SMYD3: variants seen among roughly 807,000 people sequenced by gnomAD.
SMYD3 encodes histone-lysine N-methyltransferase SMYD3.
SMYD3 carries 36 observed loss-of-function variants against 57.7 expected under a neutral mutation model. The ratio of observed to expected loss-of-function variants is 0.62; its 90% confidence interval spans 0.48 to 0.82. The LOEUF (loss-of-function observed/expected upper bound fraction) is 0.82. Ranked by LOEUF, SMYD3 falls within the 40% of genes least tolerant of loss-of-function variation. SMYD3 has a pLI of 0.00. For missense variants in SMYD3, 515 were observed against 538.8 expected, an observed-to-expected ratio of 0.96 and a Z score of 0.44; for synonymous variants, 211 against 195.0, an observed-to-expected ratio of 1.08 and a Z score of -0.68.
Position 245,824,186 on chromosome 1 carries a change from C to T in SMYD3, c.1076+34310G>A, listed in dbSNP as rs142713676. 5.6e-3 allele frequency among the ~76,000 whole-genome samples: 859 copies of T among 152,308 alleles called. 8 individuals carry two copies. Among genetic ancestry groups the T allele is most frequent in the Middle Eastern group, 0.031 (9 of 294 alleles). ...ACAGCGGTACCCTGCACAAGCTTGG[C>T]ATAGAGGTGTTCCCTCAAAATTATC... On this transcript the variant is annotated intron_variant, in intron 10 of 11. Transcript: ENST00000490107.
chr1:246,118,011 C>A (rs2061368423), intron 5 of SMYD3, among the ~76,000 whole-genome samples: 1 of 152,052 alleles, frequency 6.6e-6, no homozygotes, highest in African/African-American at 2.4e-5. Flanking sequence ...CTGTGTAATG[C>A]TGATAATGAA....
intron 5 of SMYD3, among the ~76,000 whole-genome samples, chr1:246,112,100 A>G (rs2147987293): frequency 6.6e-6 from 1 of 152,346 alleles, no homozygotes; most frequent in Non-Finnish European, 1.5e-5. Context: ...AATATTATAT[A>G]CTCTGCCCTT....
intron 8 of SMYD3, among the ~76,000 whole-genome samples, chr1:245,869,007 A>G (rs758226924): frequency 1.6e-4 from 24 of 152,238 alleles, no homozygotes; most frequent in Non-Finnish European, 2.9e-4. Context: ...TCCCTGAGGT[A>G]TAAAATTAGT....
At position 246,190,455 on chromosome 1, in the gene SMYD3, G is replaced by T. The variant is rs553577147; in HGVS notation, c.531+136746C>A. Among the ~76,000 whole-genome samples the T allele has an allele frequency of 5.8e-3, 878 of 151,948 alleles. 9 individuals carry two copies. Among genetic ancestry groups the T allele is most frequent in the Non-Finnish European group, 4.9e-3 (331 of 67,944 alleles). Reference sequence around the variant, plus strand: ...CAAAAATTAGCCAGGCGTGGTGGCAGGCACCTGTAGTCCCAGCTACTCGGG... The same window carrying T: ...CAAAAATTAGCCAGGCGTGGTGGCATGCACCTGTAGTCCCAGCTACTCGGG... On this transcript the variant is annotated intron_variant, in intron 5 of 11. Coordinates refer to ENST00000490107, the MANE Select transcript of SMYD3 (RefSeq NM_001167740.2).
intron 5 of SMYD3, among the ~76,000 whole-genome samples, chr1:246,259,766 CCT>C (rs2063969028): frequency 6.6e-6 from 1 of 152,190 alleles, no homozygotes; most frequent in South Asian, 2.1e-4. Context: ...CTAAAGGTCC[CCT>C]GATACAGGCA....
At chr1:245,860,425 G>A (rs771400864) in intron 9 of SMYD3, among the ~76,000 whole-genome samples, 11 of 152,182 alleles carry the variant, frequency 7.2e-5, no homozygotes, top group Non-Finnish European at 1.5e-4. Context: ...AGCCACTCCT[G>A]AGAGTGGAGA....
At chr1:245,893,456 C>T (rs1012629563) in intron 8 of SMYD3, among the ~76,000 whole-genome samples, 1 of 152,086 alleles carries the variant, frequency 6.6e-6, no homozygotes, top group Non-Finnish European at 1.5e-5. Flanking sequence ...TAGAAAACAA[C>T]TCAAATATCC....
At chr1:246,440,695 T>A (rs939680799) in intron 1 of SMYD3, among the ~76,000 whole-genome samples, 1 of 152,264 alleles carries the variant, frequency 6.6e-6, no homozygotes, top group Admixed American at 6.5e-5. Flanking sequence ...AAGGAAAGCC[T>A]CATTTTTTAC....
At chr1:245,809,663 G>A (rs773666760) in intron 10 of SMYD3, among the ~76,000 whole-genome samples, 25 of 152,178 alleles carry the variant, frequency 1.6e-4, no homozygotes, top group African/African-American at 2.4e-4. Flanking sequence ...GAGGCAAGAC[G>A]CAGAAAACAT....
chr1:246,239,629 T>C (rs145588696), intron 5 of SMYD3, among the ~76,000 whole-genome samples: 9,019 of 152,266 alleles, frequency 0.059, 436 homozygotes, highest in African/African-American at 0.12. Context: ...CTGGGTCAAA[T>C]AGTATTTCTA....
Position 246,432,788 on chromosome 1 carries a change from G to A in SMYD3, c.164+74266C>T, listed in dbSNP as rs191815499. Among the ~76,000 whole-genome samples the A allele has an allele frequency of 3.6e-4, 55 of 152,226 alleles. No individual in the cohort carries two copies. In the East Asian group the frequency reaches 4.8e-3, roughly 13 times the overall value. Reference sequence around the variant, plus strand: ...CACACTCATCATTACAAAACATTCCGAAAGCTTTTTTTAATAAGTTTTCAG... The same window carrying A: ...CACACTCATCATTACAAAACATTCCAAAAGCTTTTTTTAATAAGTTTTCAG... On this transcript the variant is annotated intron_variant, in intron 1 of 11. Coordinates refer to ENST00000490107, the MANE Select transcript of SMYD3 (RefSeq NM_001167740.2).
chr1:246,429,522 A>C (rs1009443079), intron 1 of SMYD3, among the ~76,000 whole-genome samples: 1 of 152,188 alleles, frequency 6.6e-6, no homozygotes, highest in African/African-American at 2.4e-5. Flanking sequence ...AGTTGTAAAA[A>C]TCCATAACTG....
At chr1:246,237,461 A>AG (rs1558338927) in intron 5 of SMYD3, among the ~76,000 whole-genome samples, 1 of 152,290 alleles carries the variant, frequency 6.6e-6, no homozygotes, top group East Asian at 1.9e-4. Flanking sequence ...TGGAAATTCA[A>AG]GGGGGAAAGC....
At chr1:246,393,783 G>C (rs1315250538) in intron 1 of SMYD3, among the ~76,000 whole-genome samples, 1 of 152,024 alleles carries the variant, frequency 6.6e-6, no homozygotes, top group African/African-American at 2.4e-5. Context: ...TTGACCCTGG[G>C]AAGTGAGGCT....
chr1:246,261,978 C>G (rs931806930), intron 5 of SMYD3, among the ~76,000 whole-genome samples: 2 of 152,160 alleles, frequency 1.3e-5, no homozygotes, highest in Admixed American at 1.3e-4. Flanking sequence ...AATTCCAATA[C>G]CTACTGATCT....
At chr1:245,845,300 C>T (rs2050610845) in intron 10 of SMYD3, among the ~76,000 whole-genome samples, 1 of 152,204 alleles carries the variant, frequency 6.6e-6, no homozygotes, top group African/African-American at 2.4e-5. Flanking sequence ...AAATTAACCT[C>T]ACTAACTCCT....
chr1:246,355,297 CT>C lies in SMYD3; in HGVS notation c.165-204del. On this transcript the variant is annotated intron_variant, in intron 1 of 11. Transcript: ENST00000490107. The surrounding 1 kb of genome is among the most constrained non-coding windows in gnomAD (Gnocchi z 5.0). The stretch of plus-strand genomic sequence containing the variant: ...GAGACACTGATAGAAAAACTAAGTC[CT>C]TTTGTCTGACAGAAGATGGCGGGGA... 1 of 546,522 alleles carries C rather than the reference CT, an allele frequency of 1.8e-6. No individual in the cohort carries two copies. Among genetic ancestry groups the C allele is most frequent in the African/African-American group, 1.9e-5 (1 of 51,636 alleles). The allele number at this position is 546,522 out of a possible 1,614,324, so 33.9% of individuals were successfully genotyped here.
At chr1:246,302,409 T>C (rs1179494352) in intron 5 of SMYD3, among the ~76,000 whole-genome samples, 1 of 152,188 alleles carries the variant, frequency 6.6e-6, no homozygotes, top group Admixed American at 6.5e-5. Flanking sequence ...TGGATTTTTC[T>C]GTCATGTGAA....
At chr1:246,205,866 C>G (rs1478567956) in intron 5 of SMYD3, among the ~76,000 whole-genome samples, 1 of 152,104 alleles carries the variant, frequency 6.6e-6, no homozygotes, top group Admixed American at 6.5e-5. Context: ...CCCAGTTCTG[C>G]TACACTCTTA....
Sources: gnomAD v4.1 joint callset for allele counts (sites outside exome capture counted in the v4.1 genomes callset) on GRCh38, gnomAD v4.1.1 for gene constraint, Gnocchi (gnomAD v3.1) non-coding constraint, MANE v1.5 for transcripts, NCBI Gene and HGNC (gene_info 2026-07-23, HGNC 2026-07-21) for gene names.